Variants in PHLPP1 observed in about 807,000 individuals in gnomAD.
PHLPP1 encodes the protein PH domain and leucine rich repeat protein phosphatase 1.
PHLPP1 carries 42 observed loss-of-function variants against 117.2 expected under a neutral mutation model. The ratio of observed to expected loss-of-function variants is 0.36; its 90% CI spans 0.28 to 0.46. PHLPP1 has a LOEUF of 0.46. Among genes scored for constraint, PHLPP1 ranks in the 20% least tolerant of loss-of-function variants. The pLI is 1.00. For synonymous variants in PHLPP1, 1,042 were observed against 970.7 expected, an observed-to-expected ratio of 1.07 and a Z score of -1.37; for missense variants, 2,084 against 2,241.9, an observed-to-expected ratio of 0.93 and a Z score of 1.42.
intron 4 of PHLPP1, among the ~76,000 whole-genome samples, chr18:62,869,944 G>A (rs1915858340): frequency 6.6e-6 from 1 of 152,194 alleles, no homozygotes; most frequent in South Asian, 2.1e-4. Context: ...CTGGAGTGCA[G>A]TGGCACGATC....
Position 62,945,204 on chromosome 18 carries a change from A to T in PHLPP1, c.3257A>T (p.His1086Leu). The change falls in exon 12 of 17, where the codon CAC (histidine) becomes CTC (leucine). Residue 1086 changes from histidine (H) to leucine (L), a missense_variant. Around this residue, in one of 2 missense-constraint regions of PHLPP1, gnomAD observed 1,365 missense variants for 1,605.9 expected, o/e 0.85. Transcript: ENST00000262719. ...PTTIMNCRRM[H>L]TVIAHSNCIE... ...ACGATCATGAATTGCAGGCGCATGCACACCGTGATTGCTCACTCCAACTGC... is the reference window on the plus strand; with the variant it reads ...ACGATCATGAATTGCAGGCGCATGCTCACCGTGATTGCTCACTCCAACTGC... 1 of 1,613,408 alleles carries T rather than the reference A, an allele frequency of 6.2e-7. No homozygotes were observed. Among genetic ancestry groups the T allele is most frequent in the Non-Finnish European group, 8.5e-7 (1 of 1,179,666 alleles).
At chr18:62,871,261 A>G (rs998124003) in intron 4 of PHLPP1, among the ~76,000 whole-genome samples, 6 of 152,182 alleles carry the variant, frequency 3.9e-5, no homozygotes, top group Non-Finnish European at 8.8e-5. Context: ...TTCACACTAA[A>G]TTATAATGGT....
At chr18:62,749,018 C>T (rs1911762263) in intron 1 of PHLPP1, among the ~76,000 whole-genome samples, 1 of 152,080 alleles carries the variant, frequency 6.6e-6, no homozygotes, top group Non-Finnish European at 1.5e-5. Flanking sequence ...ATTTCTTCAA[C>T]ATCCTTTCTT....
intron 1 of PHLPP1, among the ~76,000 whole-genome samples, chr18:62,766,114 A>G (rs1912517379): frequency 9.3e-6 from 1 of 107,698 alleles, no homozygotes; most frequent in African/African-American, 3.3e-5. Flanking sequence ...AAATATATAT[A>G]TATTTGTACA....
intron 4 of PHLPP1, among the ~76,000 whole-genome samples, chr18:62,867,385 CT>C (rs1191378469): frequency 2.6e-5 from 4 of 152,172 alleles, no homozygotes; most frequent in African/African-American, 4.8e-5. Context: ...TCTCTTTCCC[CT>C]ATCCTCTCAA....
intron 4 of PHLPP1, among the ~76,000 whole-genome samples, chr18:62,891,364 G>A (rs1354061676): frequency 6.6e-6 from 1 of 152,210 alleles, no homozygotes; most frequent in Non-Finnish European, 1.5e-5. Context: ...AAGGCGGGCG[G>A]ATCACCTGAG....
chr18:62,717,357 T>C, intron 1 of PHLPP1, 98 bp downstream of exon 1: 1 of 1,464,754 alleles, frequency 6.8e-7, no homozygotes. Flanking sequence ...CAAGAGTAAG[T>C]GCGGGTCCTG....
Position 62,905,292 on chromosome 18 carries a change from G to A in PHLPP1, c.2708+8G>A, listed in dbSNP as rs753604123. On this transcript the variant is annotated splice_region_variant and intron_variant, in intron 8 of 16. Coordinates refer to ENST00000262719, the MANE Select transcript of PHLPP1 (RefSeq NM_194449.4). ...CTACATGGATGTTTCAAGGTAAGAA[G>A]TCAAGTCTTAGAGCCCTCTAGAGTC... 4.7e-6 allele frequency: 7 copies of A among 1,477,780 alleles called. No homozygotes were observed. The East Asian group carries it at 9.6e-5, about 20-fold the overall frequency. The allele number at this position is 1,477,780 out of a possible 1,614,324, so 91.5% of individuals were successfully genotyped here. A position where few individuals can be genotyped will look rare whatever the true frequency, so the allele number is the denominator to read the frequency against.
rs1483498005 is a variant in PHLPP1 at position 62,941,927 on chromosome 18, C to G, written c.3161+9C>G. On this transcript the variant is annotated intron_variant, in intron 11 of 16. Transcript: ENST00000262719. ...CAGAGTTTTCCAGCAAGGTAAAGGA[C>G]AGTTGTAAAGCTGCGTTCTGAATTG... 3 of 1,606,850 alleles carry G rather than the reference C, an allele frequency of 1.9e-6. No individual in the cohort carries two copies. Among genetic ancestry groups the G allele is most frequent in the Admixed American group, 3.3e-5 (2 of 59,844 alleles).
At chr18:62,874,307 C>T (rs531758356) in intron 4 of PHLPP1, among the ~76,000 whole-genome samples, 10 of 150,870 alleles carry the variant, frequency 6.6e-5, no homozygotes, top group Admixed American at 1.3e-4. Flanking sequence ...CAGGAGTTTG[C>T]GACCAGCCTG....
At chr18:62,790,455 A>G (rs540395567) in intron 1 of PHLPP1, among the ~76,000 whole-genome samples, 4 of 152,186 alleles carry the variant, frequency 2.6e-5, no homozygotes, top group Non-Finnish European at 4.4e-5. Flanking sequence ...TTGATTTTTG[A>G]CCAGGCAGGA....
At chr18:62,806,176 T>A (rs1220947123) in intron 1 of PHLPP1, among the ~76,000 whole-genome samples, 2 of 152,306 alleles carry the variant, frequency 1.3e-5, no homozygotes, top group East Asian at 3.9e-4. Flanking sequence ...GAAAATCCTC[T>A]ATCTGTGATG....
intron 1 of PHLPP1, among the ~76,000 whole-genome samples, chr18:62,727,586 A>G (rs1355700509): frequency 2.7e-5 from 4 of 150,742 alleles, no homozygotes; most frequent in African/African-American, 9.8e-5. Flanking sequence ...ACTGCACTCC[A>G]GCTTGGGTGA....
At chr18:62,723,814 A>G (rs931418199) in intron 1 of PHLPP1, among the ~76,000 whole-genome samples, 2 of 152,102 alleles carry the variant, frequency 1.3e-5, no homozygotes, top group African/African-American at 2.4e-5. Flanking sequence ...ACTTGGCATG[A>G]CTTTGGGCAT....
At chr18:62,757,212 C>A (rs938755503) in intron 1 of PHLPP1, among the ~76,000 whole-genome samples, 1 of 152,148 alleles carries the variant, frequency 6.6e-6, no homozygotes, top group African/African-American at 2.4e-5. Flanking sequence ...GTTTATAGAA[C>A]GACTACTGAA....
chr18:62,960,361 A>G (rs942047328), intron 13 of PHLPP1, among the ~76,000 whole-genome samples: 1 of 152,204 alleles, frequency 6.6e-6, no homozygotes, highest in Non-Finnish European at 1.5e-5. Flanking sequence ...AAATCAGTAC[A>G]TGTAGATTGG....
chr18:62,835,120 T>G (rs564858668), intron 2 of PHLPP1, among the ~76,000 whole-genome samples: 2 of 152,162 alleles, frequency 1.3e-5, no homozygotes, highest in South Asian at 4.1e-4. Flanking sequence ...GGTTTCTTCC[T>G]TTTCTTTGTC....
In PHLPP1 at chr18:62,903,025, C is replaced by T; in HGVS notation, c.2506C>T (p.Leu836Phe). ...EVDFLQHVTQ[L>F]DLRDNKLGDL... ...GGACTTTCTACAGCATGTTACTCAG[C>T]TTGACCTACGAGACAATAAGCTTGG... Residue 836 changes from leucine to phenylalanine, a missense_variant, in exon 7 of 17, where the codon CTT becomes TTT. Physicochemically the swap from Leu to Phe is conservative, Grantham distance 22. Transcript: ENST00000262719. The T allele has an allele frequency of 6.2e-7, 1 of 1,613,180 alleles. No homozygotes were observed. The highest frequency in any genetic ancestry group is 8.5e-7 in the Non-Finnish European group (1 of 1,179,474).
chr18:62,877,896 A>T (rs989920423), intron 4 of PHLPP1, among the ~76,000 whole-genome samples: 4 of 152,242 alleles, frequency 2.6e-5, no homozygotes, highest in African/African-American at 9.6e-5. Flanking sequence ...GGAGCTCAGA[A>T]ACAAAATATC....
Sources: gnomAD v4.1 joint callset for allele counts (sites outside exome capture counted in the v4.1 genomes callset) on GRCh38, gnomAD v4.1.1 for gene constraint, gnomAD v4.1.1 regional missense constraint, MANE v1.5 for transcripts, NCBI Gene and HGNC (gene_info 2026-07-23, HGNC 2026-07-21) for gene names.